The following NBEAL1 variants were observed in gnomAD, a reference collection of about 807,000 sequenced individuals.
NBEAL1 encodes the protein neurobeachin like 1, also known as neurobeachin-like protein 1.
NBEAL1 carries 273 observed loss-of-function variants against 351.3 expected under a neutral mutation model. The observed-to-expected ratio is 0.78, with a 90% CI of 0.70 to 0.86. NBEAL1 has a LOEUF of 0.86. Among genes scored for constraint, NBEAL1 ranks in the 40% least tolerant of loss-of-function variants. The pLI, the probability that NBEAL1 is intolerant of heterozygous loss-of-function variation, is 0.00. For missense variants in NBEAL1, 2,961 were observed against 3,201.3 expected (o/e 0.92, Z 1.81); for synonymous variants, 1,050 against 1,086.4 (o/e 0.97, Z 0.66).
chr2:203,029,397 C>T (rs1283440532), intron 2 of NBEAL1, among the ~76,000 whole-genome samples: 3 of 152,222 alleles, frequency 2.0e-5, no homozygotes, highest in African/African-American at 7.2e-5. Flanking sequence ...TGGGCCAGTT[C>T]TGCTGATTTT....
chr2:203,099,819 T>A, intron 12 of NBEAL1, 107 bp downstream of exon 12: 2 of 710,670 alleles, frequency 2.8e-6, no homozygotes, highest in Non-Finnish European at 4.5e-6. Context: ...CATGGGGATT[T>A]GGTGTACAGA....
In NBEAL1 at chr2:203,151,840, A is replaced by T. The variant is rs1403415231; in HGVS notation, c.5587+251A>T. On this transcript the variant is annotated intron_variant, in intron 35 of 55. Coordinates refer to ENST00000683969, the MANE Select transcript of NBEAL1 (RefSeq NM_001378026.1). ...TAATTATAAAAGTATACTGTACTTC[A>T]TATCAACTGTTATGTCTCTTGCAAT... is the stretch of plus-strand genomic sequence containing the variant. Among the ~76,000 whole-genome samples the T allele has an allele frequency of 2.0e-5, 3 of 152,228 alleles. No homozygotes were observed. The South Asian group carries it at 6.2e-4, about 31-fold the overall frequency.
In NBEAL1 at chr2:203,193,880, AC is replaced by A; in HGVS notation, c.7009del (p.Leu2337PhefsTer9). 1 of 1,608,866 alleles carries A rather than the reference AC, an allele frequency of 6.2e-7. No homozygotes were observed. The highest frequency in any genetic ancestry group is 1.1e-5 in the South Asian group (1 of 90,298). Reference protein sequence around the residue: ...IDTSTLNLFQHLPELKSFFIE... With the variant: ...IDTSTLNLFQXLPELKSFFIE... ...ACTTCAACCCTAAACCTGTTTCAACACCTTCCTGAACTCAAGTCATTTTTTA... is the reference window on the plus strand; with the variant it reads ...ACTTCAACCCTAAACCTGTTTCAACACTTCCTGAACTCAAGTCATTTTTTA... On this transcript the variant is annotated frameshift_variant, in exon 47 of 56. Coordinates refer to ENST00000683969, the MANE Select transcript of NBEAL1 (RefSeq NM_001378026.1). LOFTEE classifies it high-confidence loss of function.
intron 39 of NBEAL1, 83 bp from the exon 40 acceptor site, chr2:203,171,845 C>A: frequency 5.4e-5 from 24 of 443,220 alleles, no homozygotes; most frequent in Non-Finnish European, 6.3e-5. Context: ...TTAGCCCATT[C>A]TTGGTACTGT....
chr2:203,187,073 GCCCTCTAGAGAT>G (rs552187340), intron 44 of NBEAL1, among the ~76,000 whole-genome samples: 72 of 152,238 alleles, frequency 4.7e-4, no homozygotes, highest in African/African-American at 1.7e-3. Flanking sequence ...GAGAGTCTTT[GCCCTCTAGAGAT>G]CCCGGGACTG....
chr2:203,051,745 TG>T (rs1345780903), intron 4 of NBEAL1, among the ~76,000 whole-genome samples: 1 of 152,162 alleles, frequency 6.6e-6, no homozygotes, highest in Non-Finnish European at 1.5e-5. Flanking sequence ...ACAAATTTTT[TG>T]GTTGAAAAAA....
chr2:203,025,298 G>A (rs2106002593), intron 2 of NBEAL1, among the ~76,000 whole-genome samples: 1 of 152,298 alleles, frequency 6.6e-6, no homozygotes, highest in South Asian at 2.1e-4. Flanking sequence ...TATGCTTAAA[G>A]TAATTTAAAA....
intron 31 of NBEAL1, among the ~76,000 whole-genome samples, chr2:203,144,176 A>AC (rs2063451864): frequency 7.4e-6 from 1 of 134,796 alleles, no homozygotes; most frequent in Non-Finnish European, 1.5e-5. Context: ...AAGCCATTGC[A>AC]CCCCAACCCG....
intron 10 of NBEAL1, among the ~76,000 whole-genome samples, chr2:203,087,886 A>T (rs1405183141): frequency 6.6e-6 from 1 of 152,220 alleles, no homozygotes; most frequent in East Asian, 1.9e-4. Flanking sequence ...GAAGCTTAAT[A>T]AATAAAGTTG....
chr2:203,126,217 A>G, intron 21 of NBEAL1, 124 bp downstream of exon 21: 2 of 1,036,308 alleles, frequency 1.9e-6, no homozygotes, highest in Non-Finnish European at 2.7e-6. Flanking sequence ...ATTAATGGAT[A>G]TAATTTGTTC....
chr2:203,155,480 A>G (rs1367163229), intron 35 of NBEAL1, among the ~76,000 whole-genome samples: 1 of 151,958 alleles, frequency 6.6e-6, no homozygotes. Flanking sequence ...TCTGTCACCC[A>G]GGCTGGAGTG....
rs577644849 is a variant in NBEAL1, at chr2:203,066,920, C to T, written c.516-1473C>T. Among the ~76,000 whole-genome samples the T allele has an allele frequency of 2.8e-4, 42 of 148,550 alleles. No individual in the cohort carries two copies. The East Asian group carries it at 6.8e-3, about 24-fold the overall frequency. On this transcript the variant is annotated intron_variant, in intron 6 of 55. Coordinates refer to ENST00000683969, the MANE Select transcript of NBEAL1 (RefSeq NM_001378026.1). ...GACGGCTGGGCAGAGGCGCTCCCCACCTCCCAGACAAAGGGCAGCCGGGCA... is the reference window on the plus strand; with the variant it reads ...GACGGCTGGGCAGAGGCGCTCCCCATCTCCCAGACAAAGGGCAGCCGGGCA...
intron 51 of NBEAL1, among the ~76,000 whole-genome samples, chr2:203,206,617 C>T (rs987113434): frequency 9.2e-5 from 14 of 151,568 alleles, no homozygotes; most frequent in African/African-American, 1.5e-4. Context: ...CACGGGGTTT[C>T]GCTGTGTTGG....
At chr2:203,075,422 T>C (rs2106145873) in intron 7 of NBEAL1, among the ~76,000 whole-genome samples, 1 of 152,326 alleles carries the variant, frequency 6.6e-6, no homozygotes, top group Non-Finnish European at 1.5e-5. Context: ...TGTATTATCT[T>C]TCTGTGTGTC....
chr2:203,144,426 C>G (rs191661187), intron 31 of NBEAL1, among the ~76,000 whole-genome samples, 174 bp from the exon 32 acceptor site: 1 of 152,242 alleles, frequency 6.6e-6, no homozygotes, highest in Non-Finnish European at 1.5e-5. Context: ...CTGCCAATAC[C>G]TGTGAAACTG....
intron 19 of NBEAL1, among the ~76,000 whole-genome samples, chr2:203,123,028 G>A (rs1193179495): frequency 2.0e-5 from 3 of 151,014 alleles, no homozygotes; most frequent in Admixed American, 1.3e-4. Context: ...TTAAATAGAA[G>A]TTATAACCTA....
rs193045117 is a variant in NBEAL1 at position 203,033,236 on chromosome 2, G to A, written c.52-8529G>A. Among the ~76,000 whole-genome samples, 41 of 151,970 alleles carry A rather than the reference G, an allele frequency of 2.7e-4. 1 individual carries two copies. The highest frequency in any genetic ancestry group is 8.5e-4 in the Admixed American group (13 of 15,242). On this transcript the variant is annotated intron_variant, in intron 2 of 55. Coordinates refer to ENST00000683969, the MANE Select transcript of NBEAL1 (RefSeq NM_001378026.1). ...AGGATGGTCTCGATCTCCTGACCTC[G>A]TGATCTGCCCACCTCGGCCTCCCAA... is the stretch of plus-strand genomic sequence containing the variant.
At chr2:203,125,870 T>G in intron 20 of NBEAL1, 90 bp from the exon 21 acceptor site, 1 of 1,099,430 alleles carries the variant, frequency 9.1e-7, no homozygotes, top group Non-Finnish European at 1.2e-6. Flanking sequence ...AGATTTCTAC[T>G]TTGTGTAACA....
At chr2:203,153,228 G>A (rs1368419742) in intron 35 of NBEAL1, among the ~76,000 whole-genome samples, 1 of 151,784 alleles carries the variant, frequency 6.6e-6, no homozygotes, top group Admixed American at 6.6e-5. Context: ...GACCTCCTGG[G>A]CTCAATCGAT....
Sources: gnomAD v4.1 joint callset for allele counts (sites outside exome capture counted in the v4.1 genomes callset) on GRCh38, gnomAD v4.1.1 for gene constraint, MANE v1.5 for transcripts, NCBI Gene and HGNC (gene_info 2026-07-23, HGNC 2026-07-21) for gene names.